VWA5B2: variants seen among roughly 807,000 people sequenced by gnomAD.
VWA5B2 encodes the protein von Willebrand factor A domain-containing protein 5B2.
Under a neutral mutation model 118.5 loss-of-function variants are expected in VWA5B2, and 93 were observed. That is an observed-to-expected ratio of 0.79 (90% CI 0.66 to 0.93). The LOEUF (loss-of-function observed/expected upper bound fraction) is 0.93, where lower values mean the gene tolerates loss of function less well. Among genes scored for constraint, VWA5B2 ranks in the 40% least tolerant of loss-of-function variants. VWA5B2 has a pLI of 0.00. For missense variants in VWA5B2, 1,546 were observed against 1,672.8 expected (o/e 0.92, Z 1.32); for synonymous variants, 708 against 716.3 (o/e 0.99, Z 0.19).
In VWA5B2 at chr3:184,238,585, A is replaced by C; in HGVS notation, c.1914A>C (p.Pro638=). ...SEQSTDALTD[P]VTDPGPNPSD... is the part of the protein sequence containing the mutation. ...CAGGTACTGATGCTCTGACAGACCC[A>C]GTCACGGATCCTGGACCCAACCCCT... The change falls in exon 14 of 20, where the codon CCA becomes CCC. Residue 638 remains proline (P), a synonymous_variant. Coordinates refer to ENST00000691901, the MANE Select transcript of VWA5B2 (RefSeq NM_001390846.1). The surrounding 1 kb of genome is among the most constrained non-coding windows in gnomAD (Gnocchi z 5.0). The C allele has an allele frequency of 6.5e-7, 1 of 1,550,306 alleles. No individual in the cohort carries two copies.
chr3:184,239,302 T>C lies in VWA5B2; in HGVS notation c.2203-92T>C. ...AGCTGGTGAGCGGCCACCCAGGGTTTCAGAAAAGGGGCATGGGCCAGCTGT... is the reference window on the plus strand; with the variant it reads ...AGCTGGTGAGCGGCCACCCAGGGTTCCAGAAAAGGGGCATGGGCCAGCTGT... On this transcript the variant is annotated intron_variant, in intron 14 of 19. Coordinates refer to ENST00000691901, the MANE Select transcript of VWA5B2 (RefSeq NM_001390846.1). This position sits in a 1 kb window ranked among gnomAD's most constrained non-coding sequence, Gnocchi z 5.1. 2 of 1,362,694 alleles carry C rather than the reference T, an allele frequency of 1.5e-6. No homozygotes were observed. The highest frequency in any genetic ancestry group is 1.9e-6 in the Non-Finnish European group (2 of 1,044,246). The allele number at this position is 1,362,694 out of a possible 1,614,324, so 84.4% of individuals were successfully genotyped here.
In VWA5B2 at chr3:184,233,592, G is replaced by A. The variant is rs968611370; in HGVS notation, c.547G>A (p.Gly183Arg). 2.8e-5 allele frequency: 43 copies of A among 1,550,728 alleles called. No homozygotes were observed. Among genetic ancestry groups the A allele is most frequent in the East Asian group, 9.8e-5 (4 of 40,932 alleles). The change falls in exon 5 of 20, where the codon GGG (glycine) becomes AGG (arginine). Residue 183 changes from glycine (G) to arginine (R), a missense_variant. Coordinates refer to ENST00000691901, the MANE Select transcript of VWA5B2 (RefSeq NM_001390846.1). This position sits in a 1 kb window ranked among gnomAD's most constrained non-coding sequence, Gnocchi z 5.2. ...LCDDSPTSCF[G>R]VGSLQEEGLA... ...CCCTTCCAGCCCCACCAGCTGCTTC[G>A]GGGTGGGCAGCCTTCAGGAGGAAGG...
Position 184,241,364 on chromosome 3 carries a change from CCAA to C in VWA5B2, c.3146_3148del (p.Asn1049del), listed in dbSNP as rs755919480. The C allele has an allele frequency of 8.3e-6, 13 of 1,559,972 alleles. No homozygotes were observed. In the South Asian group the frequency reaches 1.1e-4, roughly 13 times the overall value. The stretch of plus-strand genomic sequence containing the variant: ...CTCTGTAGCCCTGACCCGGGCCAGG[CCAA>C]CAACAGTGAAGGCAGCGACCATGAC... On this transcript the variant is annotated inframe_deletion, in exon 19 of 20. Transcript: ENST00000691901. The surrounding 1 kb of genome is among the most constrained non-coding windows in gnomAD (Gnocchi z 5.1).
Position 184,241,864 on chromosome 3 carries a change from C to T in VWA5B2, c.3555C>T (p.Asp1185=), listed in dbSNP as rs780920014. Residue 1185 remains aspartate, a synonymous_variant, in exon 20 of 20, where the codon GAC becomes GAT. Transcript: ENST00000691901. This position sits in a 1 kb window ranked among gnomAD's most constrained non-coding sequence, Gnocchi z 5.1. ...WLEHRCAAAF[D]EWELTAAKAD... ...AGCACCGATGCGCCGCTGCCTTCGA[C>T]GAGTGGGAACTGACAGCGGCCAAGG... The T allele has an allele frequency of 2.7e-5, 41 of 1,544,426 alleles. No individual in the cohort carries two copies. The South Asian group carries it at 4.6e-4, about 18-fold the overall frequency.
rs1483282755 is a variant in VWA5B2, at chr3:184,241,796, CG to C, written c.3491del (p.Gly1164AlafsTer8). On this transcript the variant is annotated frameshift_variant, in exon 20 of 20. Coordinates refer to ENST00000691901, the MANE Select transcript of VWA5B2 (RefSeq NM_001390846.1). LOFTEE classifies it high-confidence loss of function. The surrounding 1 kb of genome is among the most constrained non-coding windows in gnomAD (Gnocchi z 5.1). ...GGAAGGGCTGGGCGGCACCGACCTG[CG>C]GGGCCGGACCTGGGCCACTGCCGTA... Reference protein sequence around the residue: ...GAEGLGGTDLRGRTWATAVAL... With the variant: ...GAEGLGGTDLXGRTWATAVAL... 1.3e-6 allele frequency: 2 copies of C among 1,498,644 alleles called. No homozygotes were observed. The highest frequency in any genetic ancestry group is 1.4e-5 in the African/African-American group (1 of 72,232). The allele number at this position is 1,498,644 out of a possible 1,614,324, so 92.8% of individuals were successfully genotyped here. A position where few individuals can be genotyped will look rare whatever the true frequency, so the allele number is the denominator to read the frequency against.
chr3:184,230,062 C>T (rs1321349399), intron 1 of VWA5B2, among the ~76,000 whole-genome samples: 5 of 152,254 alleles, frequency 3.3e-5, no homozygotes, highest in East Asian at 1.9e-4. Context: ...CGGGGGCCTC[C>T]GGGGGGATTC....
At position 184,241,862 on chromosome 3, in the gene VWA5B2, G is replaced by T; in HGVS notation, c.3553G>T (p.Asp1185Tyr). The T allele has an allele frequency of 6.5e-7, 1 of 1,544,274 alleles. No homozygotes were observed. The highest frequency in any genetic ancestry group is 8.7e-7 in the Non-Finnish European group (1 of 1,145,656). ...GGAGCACCGATGCGCCGCTGCCTTC[G>T]ACGAGTGGGAACTGACAGCGGCCAA... Reference protein sequence around the residue: ...WLEHRCAAAFDEWELTAAKAD... With the variant: ...WLEHRCAAAFYEWELTAAKAD... The change falls in exon 20 of 20, where the codon GAC becomes TAC. Residue 1185 changes from aspartate to tyrosine, a missense_variant. Physicochemically the swap from Asp to Tyr is radical, Grantham distance 160. Around this residue, in one of 3 missense-constraint regions of VWA5B2, gnomAD observed 763 missense variants for 766.6 expected, o/e 1.00. Transcript: ENST00000691901. The surrounding 1 kb of genome is among the most constrained non-coding windows in gnomAD (Gnocchi z 5.1).
Position 184,241,421 on chromosome 3 carries a change from T to G in VWA5B2, c.3180+17T>G. 1 of 1,574,484 alleles carries G rather than the reference T, an allele frequency of 6.4e-7. No homozygotes were observed. Among genetic ancestry groups the G allele is most frequent in the Non-Finnish European group, 8.6e-7 (1 of 1,159,098 alleles). On this transcript the variant is annotated intron_variant, in intron 19 of 19. Transcript: ENST00000691901. The surrounding 1 kb of genome is among the most constrained non-coding windows in gnomAD (Gnocchi z 5.1). ...CTGCCCTTGGTGAGGACTCGGGAGG[T>G]GGAGGGTGGTGCCGCCGGGGCCGGG...
At position 184,241,551 on chromosome 3, in the gene VWA5B2, G is replaced by C. The variant is rs1176400620; in HGVS notation, c.3242G>C (p.Arg1081Pro). The C allele has an allele frequency of 1.3e-6, 2 of 1,549,402 alleles. No individual in the cohort carries two copies. Among genetic ancestry groups the C allele is most frequent in the Non-Finnish European group, 1.7e-6 (2 of 1,146,800 alleles). The part of the protein sequence containing the change: ...RLDAPFCAAV[R>P]ISQERLCRAS... ...GACGCGCCCTTCTGCGCCGCTGTGCGCATCTCGCAGGAGCGCCTCTGCCGT... is the reference window on the plus strand; with the variant it reads ...GACGCGCCCTTCTGCGCCGCTGTGCCCATCTCGCAGGAGCGCCTCTGCCGT... Residue 1081 changes from arginine to proline, a missense_variant, in exon 20 of 20, where the codon CGC becomes CCC. By Grantham distance (103) the Arg-to-Pro change is moderately radical. Coordinates refer to ENST00000691901, the MANE Select transcript of VWA5B2 (RefSeq NM_001390846.1). This position sits in a 1 kb window ranked among gnomAD's most constrained non-coding sequence, Gnocchi z 5.1.
chr3:184,236,285 G>T (rs1717985252), intron 9 of VWA5B2, 23 bp downstream of exon 9: 1 of 1,551,562 alleles, frequency 6.4e-7, no homozygotes, highest in Non-Finnish European at 8.7e-7. Context: ...CAGGGATCTG[G>T]GGGCCTTACA....
rs1161344651 is a variant in VWA5B2, at chr3:184,241,748, G to C, written c.3439G>C (p.Asp1147His). The change falls in exon 20 of 20, where the codon GAC becomes CAC. Residue 1147 changes from aspartate to histidine, a missense_variant. By Grantham distance (81) the Asp-to-His change is moderately conservative. Around this residue, in one of 3 missense-constraint regions of VWA5B2, gnomAD observed 763 missense variants for 766.6 expected, o/e 1.00. Coordinates refer to ENST00000691901, the MANE Select transcript of VWA5B2 (RefSeq NM_001390846.1). The surrounding 1 kb of genome is among the most constrained non-coding windows in gnomAD (Gnocchi z 5.1). ...CCAGGTGGACAGTGGGCGGGGCTCA[G>C]ACACCGAGGCCTCCGAGGGGGCGGA... ...PGQVDSGRGS[D>H]TEASEGAEGL... 1 of 1,484,692 alleles carries C rather than the reference G, an allele frequency of 6.7e-7. No homozygotes were observed. Among genetic ancestry groups the C allele is most frequent in the Admixed American group, 2.2e-5 (1 of 45,182 alleles). 92.0% of individuals were successfully genotyped at this position (1,484,692 alleles called of 1,614,324 possible).
At chr3:184,230,350 C>T in intron 1 of VWA5B2, 30 bp from the exon 2 acceptor site, 1 of 719,404 alleles carries the variant, frequency 1.4e-6, no homozygotes, top group Non-Finnish European at 2.0e-6. Flanking sequence ...CTGCCGCCCC[C>T]TTATCTCCCC....
In VWA5B2 at chr3:184,242,140, A is replaced by C; in HGVS notation, c.*102A>C. ...TGCTGGGAAAGTGTAGGCTGGTGCC[A>C]GCCTGTCCCCCACTGCTTCTTACTC... On this transcript the variant is annotated 3_prime_UTR_variant, in exon 20 of 20. Coordinates refer to ENST00000691901, the MANE Select transcript of VWA5B2 (RefSeq NM_001390846.1). 7.1e-7 allele frequency: 1 copy of C among 1,411,894 alleles called. No homozygotes were observed. The highest frequency in any genetic ancestry group is 9.5e-7 in the Non-Finnish European group (1 of 1,049,102). The allele number at this position is 1,411,894 out of a possible 1,614,324, so 87.5% of individuals were successfully genotyped here. A position where few individuals can be genotyped will look rare whatever the true frequency, so the allele number is the denominator to read the frequency against.
Position 184,239,821 on chromosome 3 carries a change from T to C in VWA5B2, c.2525T>C (p.Val842Ala). Residue 842 changes from valine (V) to alanine (A), a missense_variant, in exon 16 of 20, where the codon GTG becomes GCG. Val to Ala is a moderately conservative substitution (Grantham distance 64). Transcript: ENST00000691901. This position sits in a 1 kb window ranked among gnomAD's most constrained non-coding sequence, Gnocchi z 5.1. ...CCCCAGGCTCCACGCTGCCATGTGG[T>C]GATCCGGGGCCTGTGTGGGGAGCAG... ...VPPQAPRCHV[V>A]IRGLCGEQPM... 1.9e-6 allele frequency: 3 copies of C among 1,550,958 alleles called. No individual in the cohort carries two copies. Among genetic ancestry groups the C allele is most frequent in the South Asian group, 1.2e-5 (1 of 83,990 alleles).
Position 184,239,451 on chromosome 3 carries a change from C to A in VWA5B2, c.2260C>A (p.Arg754=). The A allele has an allele frequency of 6.5e-7, 1 of 1,549,900 alleles. No homozygotes were observed. The highest frequency in any genetic ancestry group is 8.7e-7 in the Non-Finnish European group (1 of 1,146,486). Residue 754 remains arginine, a synonymous_variant, in exon 15 of 20, where the codon CGA becomes AGA. Coordinates refer to ENST00000691901, the MANE Select transcript of VWA5B2 (RefSeq NM_001390846.1). This position sits in a 1 kb window ranked among gnomAD's most constrained non-coding sequence, Gnocchi z 5.1. ...TCAGCACAGAGCGGCTCTGGCTGGC[C>A]GAAGCCTCTCATCCCCTCCAGGCCG... ...GRQHRAALAG[R]SLSSPPGRAN... is the part of the protein sequence containing the mutation.
chr3:184,240,778 C>T lies in VWA5B2; in HGVS notation c.2741-13C>T. ...GTGGTGGGGGCTCCACAGACTGCTC[C>T]TTGGTTCCACAGGCCATGCCCGGAG... is the stretch of plus-strand genomic sequence containing the variant. On this transcript the variant is annotated splice_polypyrimidine_tract_variant and intron_variant, in intron 16 of 19. Coordinates refer to ENST00000691901, the MANE Select transcript of VWA5B2 (RefSeq NM_001390846.1). 6.5e-7 allele frequency: 1 copy of T among 1,550,108 alleles called. No homozygotes were observed. The highest frequency in any genetic ancestry group is 1.4e-5 in the African/African-American group (1 of 73,124).
At position 184,241,302 on chromosome 3, in the gene VWA5B2, T is replaced by C. The variant is rs770325307; in HGVS notation, c.3078T>C (p.Arg1026=). Residue 1026 remains arginine, a synonymous_variant, in exon 19 of 20, where the codon CGT becomes CGC. Transcript: ENST00000691901. The surrounding 1 kb of genome is among the most constrained non-coding windows in gnomAD (Gnocchi z 5.1). ...AAGGTCCTCGCCGCCCACCTCCCCG[T>C]CCTCCCTGTCGGCTCAGCATGGGCC... The part of the protein sequence containing the change: ...PTEGPRRPPP[R]PPCRLSMGRR... 9 of 1,551,082 alleles carry C rather than the reference T, an allele frequency of 5.8e-6. No individual in the cohort carries two copies. Among genetic ancestry groups the C allele is most frequent in the Non-Finnish European group, 7.0e-6 (8 of 1,146,978 alleles).
intron 3 of VWA5B2, among the ~76,000 whole-genome samples, chr3:184,231,145 A>G (rs1246086596): frequency 1.3e-5 from 2 of 152,230 alleles, no homozygotes; most frequent in African/African-American, 4.8e-5. Context: ...AGCAGGCAGC[A>G]CAGGGCTTGC....
chr3:184,242,150 C>A lies in VWA5B2; in HGVS notation c.*112C>A. The A allele has an allele frequency of 1.5e-6, 2 of 1,340,896 alleles. No individual in the cohort carries two copies. The highest frequency in any genetic ancestry group is 2.5e-5 in the East Asian group (1 of 39,924). The allele number at this position is 1,340,896 out of a possible 1,614,324, so 83.1% of individuals were successfully genotyped here. ...GTGTAGGCTGGTGCCAGCCTGTCCC[C>A]CACTGCTTCTTACTCCCTCCCTAGA... On this transcript the variant is annotated 3_prime_UTR_variant, in exon 20 of 20. Coordinates refer to ENST00000691901, the MANE Select transcript of VWA5B2 (RefSeq NM_001390846.1).
Sources: gnomAD v4.1 joint callset for allele counts (sites outside exome capture counted in the v4.1 genomes callset) on GRCh38, gnomAD v4.1.1 for gene constraint, gnomAD v4.1.1 regional missense constraint, Gnocchi (gnomAD v3.1) non-coding constraint, MANE v1.5 for transcripts, NCBI Gene and HGNC (gene_info 2026-07-23, HGNC 2026-07-21) for gene names.